Variants in ATF7IP observed in about 807,000 individuals in gnomAD.
ATF7IP encodes the protein activating transcription factor 7-interacting protein 1.
In ATF7IP, 23 loss-of-function variants were observed where a neutral mutation model predicts 106.4. That is an observed-to-expected ratio of 0.22 (90% CI 0.16 to 0.31). The LOEUF (loss-of-function observed/expected upper bound fraction) is 0.31. Among genes scored for constraint, ATF7IP ranks in the 10% least tolerant of loss-of-function variants. The pLI is 1.00. For missense variants in ATF7IP, 1,334 were observed against 1,524.3 expected, an observed-to-expected ratio of 0.88 and a Z score of 2.08; for synonymous variants, 542 against 539.0, an observed-to-expected ratio of 1.01 and a Z score of -0.08.
intron 1 of ATF7IP, among the ~76,000 whole-genome samples, chr12:14,410,868 A>G (rs1940876601): frequency 6.6e-6 from 1 of 152,170 alleles, no homozygotes; most frequent in Non-Finnish European, 1.5e-5. Flanking sequence ...AATACCGTAA[A>G]TGGAATCATT....
In ATF7IP at chr12:14,457,306, T is replaced by C. The variant is rs1943465392; in HGVS notation, c.2158+11T>C. ...CTCCTGTGAATACAGGTAACTTTTT[T>C]TTTAAATACCAAAATACATTTTCTT... On this transcript the variant is annotated intron_variant, in intron 8 of 14. Coordinates refer to ENST00000261168, the MANE Select transcript of ATF7IP (RefSeq NM_018179.5). 1 of 1,561,014 alleles carries C rather than the reference T, an allele frequency of 6.4e-7. No homozygotes were observed. The highest frequency in any genetic ancestry group is 1.2e-5 in the South Asian group (1 of 86,018).
chr12:14,418,326 A>C (rs1218467204), intron 1 of ATF7IP, among the ~76,000 whole-genome samples: 1 of 152,190 alleles, frequency 6.6e-6, no homozygotes, highest in Non-Finnish European at 1.5e-5. Flanking sequence ...TTCAGGAGAA[A>C]CTAGTTCATC....
intron 1 of ATF7IP, among the ~76,000 whole-genome samples, chr12:14,403,810 C>T (rs1278633417): frequency 6.6e-6 from 1 of 152,080 alleles, no homozygotes; most frequent in Non-Finnish European, 1.5e-5. Flanking sequence ...ATTCTGGAGG[C>T]TCTAGGCTCA....
intron 1 of ATF7IP, chr12:14,385,170 T>C: frequency 2.1e-6 from 1 of 479,958 alleles, no homozygotes. Context: ...GCATTAGCTG[T>C]TGTCTATGTT....
chr12:14,483,653 C>A (rs182369961), intron 13 of ATF7IP, among the ~76,000 whole-genome samples: 4 of 152,058 alleles, frequency 2.6e-5, no homozygotes, highest in Non-Finnish European at 4.4e-5. Flanking sequence ...ATTCCTGGAC[C>A]CATGAATCCT....
chr12:14,397,852 A>G (rs796180837), intron 1 of ATF7IP, among the ~76,000 whole-genome samples: 7 of 152,154 alleles, frequency 4.6e-5, no homozygotes, highest in African/African-American at 1.4e-4. Flanking sequence ...AAACATAATT[A>G]CTCTAAAAAT....
chr12:14,499,431 A>G lies in ATF7IP; in HGVS notation c.*1358A>G, dbSNP rs1945104453. 1 of 152,236 alleles carries G rather than the reference A, an allele frequency of 6.6e-6. No homozygotes were observed. Among genetic ancestry groups the G allele is most frequent in the Non-Finnish European group, 1.5e-5 (1 of 68,048 alleles). 9.4% of individuals were successfully genotyped at this position (152,236 alleles called of 1,614,324 possible). A position where few individuals can be genotyped will look rare whatever the true frequency, so the allele number is the denominator to read the frequency against. Reference sequence around the variant, plus strand: ...CACTGTGTTAGAGATTATGAAAACCATTCTAGTTCAGTTTATCACCCAAAG... The same window carrying G: ...CACTGTGTTAGAGATTATGAAAACCGTTCTAGTTCAGTTTATCACCCAAAG... On this transcript the variant is annotated 3_prime_UTR_variant, in exon 15 of 15. Transcript: ENST00000261168.
At chr12:14,436,025 T>C in intron 3 of ATF7IP, 81 bp from the exon 4 acceptor site, 1 of 1,389,928 alleles carries the variant, frequency 7.2e-7, no homozygotes, top group Non-Finnish European at 9.9e-7. Context: ...ATAGAAATAA[T>C]ATTTTGCTAA....
intron 1 of ATF7IP, among the ~76,000 whole-genome samples, chr12:14,378,222 C>T (rs1170964376): frequency 5.3e-5 from 8 of 151,766 alleles, no homozygotes; most frequent in African/African-American, 1.2e-4. Flanking sequence ...ATCAGCCTTC[C>T]GAGTGGCTGG....
chr12:14,484,361 A>G (rs920427402), intron 13 of ATF7IP, among the ~76,000 whole-genome samples: 1 of 152,306 alleles, frequency 6.6e-6, no homozygotes, highest in South Asian at 2.1e-4. Context: ...GATTATTAAT[A>G]TCCTCCTCTG....
chr12:14,476,709 A>G (rs1370082825), intron 11 of ATF7IP, among the ~76,000 whole-genome samples: 2 of 152,084 alleles, frequency 1.3e-5, no homozygotes, highest in Non-Finnish European at 2.9e-5. Context: ...TTCAGTGCAG[A>G]TACTGTATAT....
chr12:14,473,401 C>G (rs1409269442), intron 10 of ATF7IP, among the ~76,000 whole-genome samples: 1 of 149,636 alleles, frequency 6.7e-6, no homozygotes, highest in Non-Finnish European at 1.5e-5. Flanking sequence ...TTTATGTGTA[C>G]ATTTACCTCC....
chr12:14,471,094 A>AT (rs1359521369), intron 10 of ATF7IP, among the ~76,000 whole-genome samples: 3 of 151,934 alleles, frequency 2.0e-5, no homozygotes, highest in Non-Finnish European at 4.4e-5. Flanking sequence ...GATTTTGCAA[A>AT]TTTTTTATTA....
chr12:14,385,262 C>T, intron 1 of ATF7IP: 1 of 756,588 alleles, frequency 1.3e-6, no homozygotes, highest in Non-Finnish European at 2.1e-6. Flanking sequence ...CTTGAGTGCA[C>T]ATTGCAGCCA....
At chr12:14,453,043 C>CT (rs761356659) in intron 6 of ATF7IP, among the ~76,000 whole-genome samples, 1 of 152,164 alleles carries the variant, frequency 6.6e-6, no homozygotes, top group Non-Finnish European at 1.5e-5. Flanking sequence ...TCCTTCAGGC[C>CT]TACAAGATTT....
At chr12:14,429,023 G>A (rs1240165867) in intron 2 of ATF7IP, among the ~76,000 whole-genome samples, 2 of 152,030 alleles carry the variant, frequency 1.3e-5, no homozygotes, top group Admixed American at 6.6e-5. Flanking sequence ...GAGCTTCATC[G>A]CCATACCATA....
At chr12:14,427,204 C>T (rs4444133) in intron 2 of ATF7IP, among the ~76,000 whole-genome samples, 46,408 of 151,796 alleles carry the variant, frequency 0.31, 8,252 homozygotes, top group Admixed American at 0.45. Context: ...CTCACTGCAG[C>T]TTCCACTTTA....
intron 6 of ATF7IP, among the ~76,000 whole-genome samples, chr12:14,453,395 T>C (rs1027386236): frequency 3.9e-5 from 6 of 152,210 alleles, no homozygotes; most frequent in Non-Finnish European, 7.3e-5. Context: ...CTCCTCTGGC[T>C]TGATAATTTC....
chr12:14,460,602 C>A lies in ATF7IP; in HGVS notation c.2266C>A (p.Pro756Thr), dbSNP rs1393137211. The A allele has an allele frequency of 2.5e-6, 4 of 1,614,150 alleles. No homozygotes were observed. Among genetic ancestry groups the A allele is most frequent in the Non-Finnish European group, 3.4e-6 (4 of 1,180,020 alleles). Residue 756 changes from proline (P) to threonine (T), a missense_variant, in exon 9 of 15, where the codon CCC (proline) becomes ACC (threonine). Pro to Thr is a conservative substitution (Grantham distance 38). This residue lies in a region of ATF7IP where 171 missense variants were observed against 172.6 expected (regional missense o/e 0.99). Transcript: ENST00000261168. ...CACAGCAACGTCAGTTCTTCCTGCA[C>A]CCAATACAGCTACTGTAGTTGCTAC... is the stretch of plus-strand genomic sequence containing the variant. ...SLTATSVLPA[P>T]NTATVVATTQ... is the part of the protein sequence containing the mutation.
Sources: allele counts gnomAD v4.1 joint callset (sites outside exome capture counted in the v4.1 genomes callset), GRCh38; gene constraint gnomAD v4.1.1; regional missense constraint gnomAD v4.1.1; transcripts MANE v1.5; gene names NCBI Gene and HGNC (gene_info 2026-07-23, HGNC 2026-07-21).